The following GZF1 variants were observed in gnomAD, a reference collection of about 807,000 sequenced individuals.
GZF1 encodes GDNF-inducible zinc finger protein 1.
A neutral mutation model predicts 49.4 loss-of-function variants in GZF1; 28 were observed. The observed-to-expected ratio is 0.57, with a 90% CI of 0.42 to 0.78. The LOEUF is 0.78. Among genes scored for constraint, GZF1 ranks in the 30% least tolerant of loss-of-function variants. The pLI is 0.00. For synonymous variants in GZF1, 364 were observed against 356.0 expected, an observed-to-expected ratio of 1.02 and a Z score of -0.25; for missense variants, 798 against 916.2, an observed-to-expected ratio of 0.87 and a Z score of 1.67.
At position 23,365,626 on chromosome 20, in the gene GZF1, G is replaced by T; in HGVS notation, c.1243G>T (p.Gly415Cys). The T allele has an allele frequency of 6.2e-7, 1 of 1,605,274 alleles. No homozygotes were observed. Residue 415 changes from glycine (G) to cysteine (C), a missense_variant, in exon 2 of 6, where the codon GGC (glycine) becomes TGC (cysteine). This residue lies in a region of GZF1 where 446 missense variants were observed against 540.1 expected (regional missense o/e 0.83). Coordinates refer to ENST00000338121, the MANE Select transcript of GZF1 (RefSeq NM_022482.5). Reference sequence around the variant, plus strand: ...GCACCGCTGCGGCCAGTGCGGCAAGGGCCTGAGTTCCAAGACAGCGCTGCG... The same window carrying T: ...GCACCGCTGCGGCCAGTGCGGCAAGTGCCTGAGTTCCAAGACAGCGCTGCG... ...ERHRCGQCGK[G>C]LSSKTALRLH...
In GZF1 at chr20:23,368,747, C is replaced by A; in HGVS notation, c.1460-15C>A. ...GCCTGTATTGTTTATGACTTTATTTCATTTTCTCATGTAGGTGAAAGACCT... is the reference window on the plus strand; with the variant it reads ...GCCTGTATTGTTTATGACTTTATTTAATTTTCTCATGTAGGTGAAAGACCT... On this transcript the variant is annotated splice_polypyrimidine_tract_variant and intron_variant, in intron 3 of 5. Coordinates refer to ENST00000338121, the MANE Select transcript of GZF1 (RefSeq NM_022482.5). 6.3e-7 allele frequency: 1 copy of A among 1,590,498 alleles called. No homozygotes were observed. The highest frequency in any genetic ancestry group is 8.6e-7 in the Non-Finnish European group (1 of 1,167,306).
upstream of GZF1, among the ~76,000 whole-genome samples, chr20:23,361,617 C>T (rs1361114215): frequency 6.6e-6 from 1 of 152,200 alleles, no homozygotes; most frequent in Non-Finnish European, 1.5e-5. Context: ...CGCCTGGCGC[C>T]AGTTCTCCAG....
chr20:23,361,911 T>C (rs756630038), upstream of GZF1, among the ~76,000 whole-genome samples: 5 of 152,204 alleles, frequency 3.3e-5, no homozygotes, highest in Admixed American at 6.5e-5. Flanking sequence ...CCCTGTGGCG[T>C]GCCGCAGCGC....
At chr20:23,369,514 A>G in intron 4 of GZF1, 70 bp from the exon 5 acceptor site, 1 of 1,374,300 alleles carries the variant, frequency 7.3e-7, no homozygotes, top group Non-Finnish European at 1.0e-6. Flanking sequence ...CATTCACTCA[A>G]GTGTGTATTC....
At chr20:23,369,372 C>T (rs1981795211) in intron 4 of GZF1, among the ~76,000 whole-genome samples, 1 of 152,212 alleles carries the variant, frequency 6.6e-6, no homozygotes, top group Admixed American at 6.5e-5. Flanking sequence ...AGGCACATGT[C>T]CTGGCCCCTT....
In GZF1 at chr20:23,369,582, A is replaced by AG; in HGVS notation, c.1630dup. 1 of 1,607,768 alleles carries AG rather than the reference A, an allele frequency of 6.2e-7. No individual in the cohort carries two copies. Among genetic ancestry groups the AG allele is most frequent in the Non-Finnish European group, 8.5e-7 (1 of 1,176,626 alleles). ...CAGCAGTCTCCTCTCTCCCTGCCTC[A>AG]GGGGAGCGTCCCTACTGCTGTGACC... On this transcript the variant is annotated splice_acceptor_variant, in intron 4 of 5. Transcript: ENST00000338121. LOFTEE classifies it high-confidence loss of function.
At chr20:23,368,420 G>A (rs1981658600) in intron 3 of GZF1, among the ~76,000 whole-genome samples, 1 of 152,106 alleles carries the variant, frequency 6.6e-6, no homozygotes, top group African/African-American at 2.4e-5. Flanking sequence ...GTGTTCCTTT[G>A]AAAATAATCC....
chr20:23,370,107 C>T lies in GZF1; in HGVS notation c.1802C>T (p.Thr601Ile), dbSNP rs141576121. Residue 601 changes from threonine to isoleucine, a missense_variant, in exon 6 of 6, where the codon ACT becomes ATT. Physicochemically the swap from Thr to Ile is moderately conservative, Grantham distance 89. Transcript: ENST00000338121. ...RRHTSIHDKN[T>I]PWKSFLVIVD... The stretch of plus-strand genomic sequence containing the variant: ...AACTTATAGATACACGATAAGAATA[C>T]TCCATGGAAGTCTTTCCTTGTCATT... 1.2e-6 allele frequency: 2 copies of T among 1,613,720 alleles called. No individual in the cohort carries two copies. Among genetic ancestry groups the T allele is most frequent in the Non-Finnish European group, 1.7e-6 (2 of 1,179,574 alleles).
intron 2 of GZF1, 43 bp downstream of exon 2, chr20:23,365,790 G>T: frequency 1.4e-6 from 2 of 1,470,076 alleles, no homozygotes; most frequent in Non-Finnish European, 1.8e-6. Context: ...GCACTGGAAG[G>T]GTGTGTCAAG....
In GZF1 at chr20:23,371,874, T is replaced by G. The variant is rs1226466054; in HGVS notation, c.*1433T>G. On this transcript the variant is annotated 3_prime_UTR_variant, in exon 6 of 6. Coordinates refer to ENST00000338121, the MANE Select transcript of GZF1 (RefSeq NM_022482.5). ...CATGTAGCTGCACTATGCCAGAAAT[T>G]AATGAGGGAAGACTTTCTTCCTAAG... 6.6e-6 allele frequency: 1 copy of G among 152,268 alleles called. No individual in the cohort carries two copies. The highest frequency in any genetic ancestry group is 1.9e-4 in the East Asian group (1 of 5,198). The allele number at this position is 152,268 out of a possible 1,614,324, so 9.4% of individuals were successfully genotyped here. A position where few individuals can be genotyped will look rare whatever the true frequency, so the allele number is the denominator to read the frequency against.
In GZF1 at chr20:23,364,576, C is replaced by A. The variant is rs769598052; in HGVS notation, c.193C>A (p.Leu65Ile). The change falls in exon 2 of 6, where the codon CTT becomes ATT. Residue 65 changes from leucine (L) to isoleucine (I), a missense_variant. By Grantham distance (5) the Leu-to-Ile change is conservative. Coordinates refer to ENST00000338121, the MANE Select transcript of GZF1 (RefSeq NM_022482.5). The stretch of plus-strand genomic sequence containing the variant: ...CAGCAAGTTTTTTAAGGAAGTGTTC[C>A]TTAATGAGAAGAGTGTGGATGGTAC... ...ATSKFFKEVF[L>I]NEKSVDGTRT... The A allele has an allele frequency of 3.7e-6, 6 of 1,614,220 alleles. No individual in the cohort carries two copies. Among genetic ancestry groups the A allele is most frequent in the Non-Finnish European group, 4.2e-6 (5 of 1,180,036 alleles).
At chr20:23,369,797 A>T in intron 5 of GZF1, 56 bp downstream of exon 5, 1 of 1,542,548 alleles carries the variant, frequency 6.5e-7, no homozygotes, top group Non-Finnish European at 8.8e-7. Context: ...GATGCACGGA[A>T]AGAGAAATAC....
At chr20:23,369,856 C>T (rs1981869527) in intron 5 of GZF1, 115 bp downstream of exon 5, 2 of 1,178,918 alleles carry the variant, frequency 1.7e-6, no homozygotes, top group African/African-American at 1.6e-5. Context: ...CAGGTACTTT[C>T]TCCTTGGGTT....
In GZF1 at chr20:23,365,576, A is replaced by G. The variant is rs144056913; in HGVS notation, c.1193A>G (p.Gln398Arg). The G allele has an allele frequency of 1.2e-6, 2 of 1,611,420 alleles. No homozygotes were observed. The highest frequency in any genetic ancestry group is 2.2e-5 in the East Asian group (1 of 44,872). Residue 398 changes from glutamine to arginine, a missense_variant, in exon 2 of 6, where the codon CAG becomes CGG. Around this residue, in one of 3 missense-constraint regions of GZF1, gnomAD observed 446 missense variants for 540.1 expected, o/e 0.83. Coordinates refer to ENST00000338121, the MANE Select transcript of GZF1 (RefSeq NM_022482.5). ...AAGGACGTGAAGCGGCACGTGCTGC[A>G]GGTGCATGAGGGCGGCGGCGAGCGG... Reference protein sequence around the residue: ...RKKDVKRHVLQVHEGGGERHR... With the variant: ...RKKDVKRHVLRVHEGGGERHR...
At chr20:23,361,682 C>T (rs1199396755), upstream of GZF1, among the ~76,000 whole-genome samples, 2 of 152,190 alleles carry the variant, frequency 1.3e-5, no homozygotes, top group African/African-American at 2.4e-5. Context: ...AGCTCCAAGC[C>T]CGGCTTTCCG....
In GZF1 at chr20:23,364,865, C is replaced by T. The variant is rs1251989523; in HGVS notation, c.482C>T (p.Pro161Leu). The change falls in exon 2 of 6, where the codon CCT (proline) becomes CTT (leucine). Residue 161 changes from proline (P) to leucine (L), a missense_variant. Transcript: ENST00000338121. ...VSSGSQVSAA[P>L]APRASVATDG... ...AGTGGCTCCCAAGTTAGTGCTGCTC[C>T]TGCCCCCAGGGCAAGTGTGGCCACC... is the stretch of plus-strand genomic sequence containing the variant. 5 of 1,614,088 alleles carry T rather than the reference C, an allele frequency of 3.1e-6. No homozygotes were observed. The African/African-American group carries it at 4.0e-5, about 13-fold the overall frequency.
chr20:23,370,661 C>A lies in GZF1; in HGVS notation c.*220C>A. ...TGCATGATCTCAGCTACTTTATTGACAAAAAGGCAGTGAACATAACCTCAC... is the reference window on the plus strand; with the variant it reads ...TGCATGATCTCAGCTACTTTATTGAAAAAAAGGCAGTGAACATAACCTCAC... On this transcript the variant is annotated 3_prime_UTR_variant, in exon 6 of 6. Coordinates refer to ENST00000338121, the MANE Select transcript of GZF1 (RefSeq NM_022482.5). The A allele has an allele frequency of 1.8e-6, 1 of 547,830 alleles. No homozygotes were observed. The highest frequency in any genetic ancestry group is 3.2e-6 in the Non-Finnish European group (1 of 308,986). The allele number at this position is 547,830 out of a possible 1,614,324, so 33.9% of individuals were successfully genotyped here.
At chr20:23,361,466 C>T (rs1292692065), upstream of GZF1, among the ~76,000 whole-genome samples, 1 of 152,210 alleles carries the variant, frequency 6.6e-6, no homozygotes, top group East Asian at 1.9e-4. Flanking sequence ...ACAAAGCTTT[C>T]GCCCGAATGG....
intron 2 of GZF1, among the ~76,000 whole-genome samples, chr20:23,366,364 C>T (rs1047181731): frequency 2.0e-5 from 3 of 152,194 alleles, no homozygotes; most frequent in East Asian, 1.9e-4. Context: ...TCTAGATCTG[C>T]CCTCAAACCT....
Sources: gnomAD v4.1 joint callset for allele counts (sites outside exome capture counted in the v4.1 genomes callset) on GRCh38, gnomAD v4.1.1 for gene constraint, gnomAD v4.1.1 regional missense constraint, MANE v1.5 for transcripts, NCBI Gene and HGNC (gene_info 2026-07-23, HGNC 2026-07-21) for gene names.